ERBB4: variants seen among roughly 807,000 people sequenced by gnomAD.
ERBB4 encodes the protein receptor tyrosine-protein kinase erbB-4.
Under a neutral mutation model 158.0 loss-of-function variants are expected in ERBB4, and 42 were observed. The observed-to-expected ratio is 0.27, with a 90% CI of 0.21 to 0.34. The LOEUF (loss-of-function observed/expected upper bound fraction) is 0.34, where lower values mean the gene tolerates loss of function less well. Ranked by LOEUF, ERBB4 falls within the 10% of genes least tolerant of loss-of-function variation. The probability of loss-of-function intolerance (pLI) is 1.00; values close to 1 mark genes in which losing one functional copy is unlikely to be tolerated. For synonymous variants in ERBB4, 583 were observed against 558.7 expected (o/e 1.04, Z -0.61); for missense variants, 1,333 against 1,624.1 (o/e 0.82, Z 3.08).
At chr2:211,872,531 C>T (rs1271168310) in intron 3 of ERBB4, among the ~76,000 whole-genome samples, 1 of 151,936 alleles carries the variant, frequency 6.6e-6, no homozygotes, top group Non-Finnish European at 1.5e-5. Flanking sequence ...AATAGATTTC[C>T]AAATTATCAC....
chr2:211,984,208 C>G (rs2081878147), intron 2 of ERBB4, among the ~76,000 whole-genome samples: 1 of 152,060 alleles, frequency 6.6e-6, no homozygotes, highest in East Asian at 1.9e-4. Context: ...TTTCATATGT[C>G]TTTTATAGGA....
intron 1 of ERBB4, among the ~76,000 whole-genome samples, chr2:212,391,689 A>T (rs1171494890): frequency 4.7e-5 from 6 of 126,318 alleles, no homozygotes; most frequent in African/African-American, 1.6e-4. Context: ...TATTATATAT[A>T]TTATATTATA....
intron 20 of ERBB4, among the ~76,000 whole-genome samples, chr2:211,505,911 G>C (rs1199896503): frequency 1.4e-5 from 2 of 143,966 alleles, no homozygotes; most frequent in African/African-American, 5.1e-5. Flanking sequence ...AGTGAGCCAA[G>C]ATCGCACCAC....
intron 1 of ERBB4, among the ~76,000 whole-genome samples, chr2:212,132,700 T>C (rs1013140447): frequency 2.0e-5 from 3 of 152,140 alleles, no homozygotes; most frequent in African/African-American, 4.8e-5. Context: ...AGCTTGCAGA[T>C]GGCAGATTGT....
At chr2:211,612,190 G>A (rs2069226006) in intron 19 of ERBB4, among the ~76,000 whole-genome samples, 1 of 151,736 alleles carries the variant, frequency 6.6e-6, no homozygotes, top group Non-Finnish European at 1.5e-5. Flanking sequence ...TAATTGGGCT[G>A]GTATAGAGAG....
chr2:211,929,190 T>C (rs1253099480), intron 3 of ERBB4, among the ~76,000 whole-genome samples: 2 of 151,964 alleles, frequency 1.3e-5, no homozygotes, highest in Non-Finnish European at 2.9e-5. Flanking sequence ...GGCAGGTATC[T>C]CCACAGATAC....
intron 19 of ERBB4, among the ~76,000 whole-genome samples, chr2:211,583,095 A>G (rs2068152258): frequency 6.6e-6 from 1 of 152,142 alleles, no homozygotes. Flanking sequence ...CTTTGAAAGT[A>G]AATATCTACA....
intron 20 of ERBB4, among the ~76,000 whole-genome samples, chr2:211,513,338 A>G (rs561262765): frequency 2.3e-4 from 30 of 130,130 alleles, no homozygotes; most frequent in Non-Finnish European, 3.1e-4. Flanking sequence ...GGCCTGGGCG[A>G]CAGAGCGAGA....
intron 1 of ERBB4, among the ~76,000 whole-genome samples, chr2:212,510,966 A>G (rs1487886769): frequency 6.6e-6 from 1 of 152,152 alleles, no homozygotes; most frequent in African/African-American, 2.4e-5. Context: ...TTATAATAAC[A>G]AAATACTAAT....
rs1395904201 is a variant in ERBB4 at position 211,376,927 on chromosome 2, C to T, written c.*6688G>A. 4.3e-6 allele frequency: 1 copy of T among 233,214 alleles called. No homozygotes were observed. The highest frequency in any genetic ancestry group is 5.6e-5 in the Admixed American group (1 of 17,730). 14.4% of individuals were successfully genotyped at this position (233,214 alleles called of 1,614,324 possible). A position where few individuals can be genotyped will look rare whatever the true frequency, so the allele number is the denominator to read the frequency against. Reference sequence around the variant, plus strand: ...AGACAGGCATTCAAAGTTAGCTGCCCTCACACAGCTGCTCCGTTTAATAAT... The same window carrying T: ...AGACAGGCATTCAAAGTTAGCTGCCTTCACACAGCTGCTCCGTTTAATAAT... On this transcript the variant is annotated 3_prime_UTR_variant, in exon 28 of 28. Transcript: ENST00000342788.
At chr2:212,272,466 G>A (rs756911804) in intron 1 of ERBB4, among the ~76,000 whole-genome samples, 2 of 151,728 alleles carry the variant, frequency 1.3e-5, no homozygotes, top group Non-Finnish European at 2.9e-5. Context: ...GGCATTTCCA[G>A]GCCCAGAGAA....
At chr2:212,092,494 T>G (rs1051158125) in intron 2 of ERBB4, among the ~76,000 whole-genome samples, 1 of 152,186 alleles carries the variant, frequency 6.6e-6, no homozygotes, top group Non-Finnish European at 1.5e-5. Context: ...TTTTTCTGAC[T>G]TTTGTACCTC....
At chr2:211,464,884 T>C (rs2064634309) in intron 20 of ERBB4, among the ~76,000 whole-genome samples, 1 of 152,082 alleles carries the variant, frequency 6.6e-6, no homozygotes, top group South Asian at 2.1e-4. Flanking sequence ...CTTTGACTGA[T>C]TGCATATTAA....
At chr2:212,063,251 T>C (rs1461524425) in intron 2 of ERBB4, among the ~76,000 whole-genome samples, 1 of 152,070 alleles carries the variant, frequency 6.6e-6, no homozygotes, top group Non-Finnish European at 1.5e-5. Context: ...AAACAGATGA[T>C]TTAGAACAAG....
At chr2:211,927,999 A>G (rs142989222) in intron 3 of ERBB4, among the ~76,000 whole-genome samples, 4 of 152,252 alleles carry the variant, frequency 2.6e-5, no homozygotes, top group African/African-American at 9.6e-5. Flanking sequence ...AGGCAACCAG[A>G]CAGAGATGAA....
intron 3 of ERBB4, among the ~76,000 whole-genome samples, chr2:211,851,603 GTAAAACA>G (rs1431807648): frequency 6.6e-6 from 1 of 151,898 alleles, no homozygotes. Context: ...CATATTTGCT[GTAAAACA>G]TAACCTTGTG....
At chr2:211,803,481 G>A (rs145517829) in intron 3 of ERBB4, among the ~76,000 whole-genome samples, 132 of 152,240 alleles carry the variant, frequency 8.7e-4, no homozygotes, top group African/African-American at 2.7e-3. Flanking sequence ...GGTAAGGTGA[G>A]ACAGGTATAA....
chr2:211,580,889 A>G lies in ERBB4; in HGVS notation c.2302-18801T>C, dbSNP rs71350749. ...TACATATATATATATATATATATATATATATATATATATATATATATATAT... is the reference window on the plus strand; with the variant it reads ...TACATATATATATATATATATATATGTATATATATATATATATATATATAT... On this transcript the variant is annotated intron_variant, in intron 19 of 27. Transcript: ENST00000342788. Among the ~76,000 whole-genome samples the G allele has an allele frequency of 4.1e-5, 3 of 73,164 alleles. 1 individual carries two copies. The highest frequency in any genetic ancestry group is 6.8e-5 in the Non-Finnish European group (3 of 44,226). 48.0% of individuals were successfully genotyped at this position (73,164 alleles called of 152,430 possible).
intron 1 of ERBB4, among the ~76,000 whole-genome samples, chr2:212,348,531 G>A (rs1396593967): frequency 5.9e-5 from 9 of 152,056 alleles, no homozygotes; most frequent in Admixed American, 3.3e-4. Context: ...ACTCAAATTC[G>A]TAACACATCG....
Sources: gnomAD v4.1 joint callset for allele counts (sites outside exome capture counted in the v4.1 genomes callset) on GRCh38, gnomAD v4.1.1 for gene constraint, MANE v1.5 for transcripts, NCBI Gene and HGNC (gene_info 2026-07-23, HGNC 2026-07-21) for gene names.